Variants in TPGS2 observed in about 807,000 individuals in gnomAD.
TPGS2 encodes polyglutamylase subunit 2.
Under a neutral mutation model 31.1 loss-of-function variants are expected in TPGS2, and 26 were observed. The observed-to-expected ratio is 0.84, with a 90% CI of 0.61 to 1.16. The LOEUF (loss-of-function observed/expected upper bound fraction) is 1.16, where lower values mean the gene tolerates loss of function less well. Among genes scored for constraint, TPGS2 ranks in the 50% most tolerant of loss-of-function variants. TPGS2 has a pLI of 0.00. For missense variants in TPGS2, 351 were observed against 363.8 expected, an observed-to-expected ratio of 0.96 and a Z score of 0.29; for synonymous variants, 130 against 136.6, an observed-to-expected ratio of 0.95 and a Z score of 0.34.
chr18:36,790,690 C>T (rs1308956493), downstream of TPGS2, among the ~76,000 whole-genome samples: 2 of 152,152 alleles, frequency 1.3e-5, no homozygotes, highest in South Asian at 2.1e-4. Context: ...GGTATCCTGC[C>T]TTTAAAATAA....
At chr18:36,801,542 T>C (rs1281521589) in intron 4 of TPGS2, among the ~76,000 whole-genome samples, 1 of 152,102 alleles carries the variant, frequency 6.6e-6, no homozygotes, top group Non-Finnish European at 1.5e-5. Context: ...CTATGTTGCC[T>C]AGGCTGATCT....
downstream of TPGS2, among the ~76,000 whole-genome samples, chr18:36,793,799 A>G (rs550465511): frequency 4.6e-4 from 69 of 150,736 alleles, no homozygotes; most frequent in Non-Finnish European, 7.5e-4. Flanking sequence ...ATACAGTGGT[A>G]TGATCTCGGC....
intron 4 of TPGS2, among the ~76,000 whole-genome samples, chr18:36,801,391 A>G (rs2044807268): frequency 6.6e-6 from 1 of 152,130 alleles, no homozygotes; most frequent in Non-Finnish European, 1.5e-5. Context: ...GAGTGCAGTG[A>G]CATGTGAACA....
In TPGS2 at chr18:36,810,534, C is replaced by T. The variant is rs185345587; in HGVS notation, c.166-2600G>A. 5.7e-4 allele frequency among the ~76,000 whole-genome samples: 86 copies of T among 151,934 alleles called. 1 individual carries two copies. The highest frequency in any genetic ancestry group is 2.0e-3 in the African/African-American group (84 of 41,444). ...ATAGGAGGGCAGGGAGGAGGAAGAT[C>T]GGCAGAAAGTGAATGGAGGAGGGTA... is the stretch of plus-strand genomic sequence containing the variant. On this transcript the variant is annotated intron_variant, in intron 2 of 6. Coordinates refer to ENST00000334295, the MANE Select transcript of TPGS2 (RefSeq NM_015476.4).
At chr18:36,798,115 G>C (rs1013903034) in intron 6 of TPGS2, 3 of 1,099,688 alleles carry the variant, frequency 2.7e-6, no homozygotes, top group Non-Finnish European at 2.2e-6. Flanking sequence ...TGGAGAACAG[G>C]GGAGTGAGAA....
At chr18:36,826,307 G>A (rs1450533464) in intron 1 of TPGS2, among the ~76,000 whole-genome samples, 1 of 152,160 alleles carries the variant, frequency 6.6e-6, no homozygotes, top group African/African-American at 2.4e-5. Flanking sequence ...TTACAGGTGT[G>A]AGCCACTGTG....
chr18:36,828,129 T>C (rs1600868319), intron 1 of TPGS2, among the ~76,000 whole-genome samples: 1 of 151,666 alleles, frequency 6.6e-6, no homozygotes, highest in South Asian at 2.1e-4. Flanking sequence ...GATCGCGCCA[T>C]TGCACTCCAG....
chr18:36,788,845 G>C (rs1475281106), intron 6 of TPGS2: 2 of 152,170 alleles, frequency 1.3e-5, no homozygotes, highest in Admixed American at 6.5e-5. Context: ...TCCTTTGTGT[G>C]AGAAATGTTA....
At chr18:36,788,002 T>C (rs1048852411) in intron 6 of TPGS2, among the ~76,000 whole-genome samples, 1 of 152,258 alleles carries the variant, frequency 6.6e-6, no homozygotes, top group African/African-American at 2.4e-5. Flanking sequence ...GGTCAATCTA[T>C]CTGTGTGTGT....
In TPGS2 at chr18:36,795,796, G is replaced by A; in HGVS notation, c.*1009C>T. ...CAGGAGACTGCTTGTCCTAAGGATG[G>A]CCAGGGACCAGGCAAAGTGAGGCTG... On this transcript the variant is annotated 3_prime_UTR_variant, in exon 7 of 7. Coordinates refer to ENST00000334295, the MANE Select transcript of TPGS2 (RefSeq NM_015476.4). The A allele has an allele frequency of 1.0e-6, 1 of 985,452 alleles. No homozygotes were observed. The highest frequency in any genetic ancestry group is 1.2e-6 in the Non-Finnish European group (1 of 829,946). The allele number at this position is 985,452 out of a possible 1,614,324, so 61.0% of individuals were successfully genotyped here.
chr18:36,800,987 G>T (rs1237906596), intron 4 of TPGS2, among the ~76,000 whole-genome samples: 1 of 152,138 alleles, frequency 6.6e-6, no homozygotes, highest in African/African-American at 2.4e-5. Flanking sequence ...ACCGCGCCCG[G>T]TCAGAACCAT....
chr18:36,807,724 G>A (rs763275734), intron 3 of TPGS2, 123 bp downstream of exon 3: 1 of 770,244 alleles, frequency 1.3e-6, no homozygotes, highest in Non-Finnish European at 2.1e-6. Flanking sequence ...TCTGGACATG[G>A]CACTTGAGGG....
In TPGS2 at chr18:36,796,041, A is replaced by AAAC; in HGVS notation, c.*761_*763dup. On this transcript the variant is annotated 3_prime_UTR_variant, in exon 7 of 7. Coordinates refer to ENST00000334295, the MANE Select transcript of TPGS2 (RefSeq NM_015476.4). ...GAACGTGTACAAACATCATAACACA[A>AAAC]AACTGGAAGCAAGAAACTTCACTGG... 1.0e-6 allele frequency: 1 copy of AAAC among 985,504 alleles called. No homozygotes were observed. The highest frequency in any genetic ancestry group is 1.2e-6 in the Non-Finnish European group (1 of 829,944). 61.0% of individuals were successfully genotyped at this position (985,504 alleles called of 1,614,324 possible).
At chr18:36,793,425 T>C (rs71365651), downstream of TPGS2, among the ~76,000 whole-genome samples, 28 of 152,272 alleles carry the variant, frequency 1.8e-4, no homozygotes, top group African/African-American at 6.5e-4. Flanking sequence ...AGGCTGCACT[T>C]CCCATCTGAA....
chr18:36,796,481 T>G lies in TPGS2; in HGVS notation c.*324A>C. 3 of 1,082,674 alleles carry G rather than the reference T, an allele frequency of 2.8e-6. No homozygotes were observed. Among genetic ancestry groups the G allele is most frequent in the Non-Finnish European group, 1.1e-6 (1 of 894,426 alleles). 67.1% of individuals were successfully genotyped at this position (1,082,674 alleles called of 1,614,324 possible). ...TGCTTCATGGGTCAAAACCAGTGGT[T>G]TCTTTGGGGGACCTCTCTAATCAAT... is the stretch of plus-strand genomic sequence containing the variant. On this transcript the variant is annotated 3_prime_UTR_variant, in exon 7 of 7. Transcript: ENST00000334295.
intron 1 of TPGS2, among the ~76,000 whole-genome samples, chr18:36,826,389 T>C (rs72885229): frequency 0.13 from 18,351 of 146,772 alleles, 1,380 homozygotes; most frequent in Admixed American, 0.18. Flanking sequence ...GGATTGTTCA[T>C]TGCTGGTGTA....
intron 2 of TPGS2, among the ~76,000 whole-genome samples, chr18:36,815,884 T>A (rs2045632000): frequency 6.6e-6 from 1 of 152,106 alleles, no homozygotes; most frequent in Non-Finnish European, 1.5e-5. Flanking sequence ...TGAGGAGTTG[T>A]CTCATTATGT....
chr18:36,793,641 C>T (rs935180673), downstream of TPGS2, among the ~76,000 whole-genome samples: 8 of 151,996 alleles, frequency 5.3e-5, no homozygotes, highest in African/African-American at 7.3e-5. Context: ...GTGGCAAGAA[C>T]GAAATACATA....
chr18:36,823,147 G>A (rs1441283548), intron 1 of TPGS2, among the ~76,000 whole-genome samples: 1 of 152,162 alleles, frequency 6.6e-6, no homozygotes, highest in African/African-American at 2.4e-5. Flanking sequence ...CGGCATGACT[G>A]GCTTCTCTAC....
Sources: allele counts gnomAD v4.1 joint callset (sites outside exome capture counted in the v4.1 genomes callset), GRCh38; gene constraint gnomAD v4.1.1; transcripts MANE v1.5; gene names NCBI Gene and HGNC (gene_info 2026-07-23, HGNC 2026-07-21).